The following TEKT3 variants were observed in gnomAD, a reference collection of about 807,000 sequenced individuals.
The protein encoded by TEKT3 is tektin-3.
Under a neutral mutation model 49.8 loss-of-function variants are expected in TEKT3, and 49 were observed. The ratio of observed to expected loss-of-function variants is 0.98; its 90% CI spans 0.78 to 1.25. The LOEUF (loss-of-function observed/expected upper bound fraction) is 1.25, where lower values mean the gene tolerates loss of function less well. Ranked by LOEUF, TEKT3 falls within the 50% of genes most tolerant of loss-of-function variation. The pLI is 0.00. For missense variants in TEKT3, 595 were observed against 629.5 expected (o/e 0.95, Z 0.59); for synonymous variants, 225 against 237.2 (o/e 0.95, Z 0.47).
chr17:15,308,531 C>T (rs1910632476), intron 8 of TEKT3, 133 bp downstream of exon 8: 2 of 1,211,646 alleles, frequency 1.7e-6, no homozygotes, highest in Admixed American at 2.2e-5. Context: ...TCAACATCTC[C>T]CCATTACTAC....
At chr17:15,334,054 C>G (rs532146181) in intron 2 of TEKT3, among the ~76,000 whole-genome samples, 2 of 151,506 alleles carry the variant, frequency 1.3e-5, no homozygotes, top group Non-Finnish European at 2.9e-5. Context: ...TGAGCCACCA[C>G]GCCCAGCTGG....
chr17:15,329,918 C>T (rs575748427), intron 3 of TEKT3, among the ~76,000 whole-genome samples: 1 of 152,296 alleles, frequency 6.6e-6, no homozygotes, highest in South Asian at 2.1e-4. Context: ...ATAATTTGCA[C>T]ATCTTCAAAC....
intron 2 of TEKT3, among the ~76,000 whole-genome samples, chr17:15,333,680 A>G (rs1411773215): frequency 6.6e-6 from 1 of 152,134 alleles, no homozygotes; most frequent in Non-Finnish European, 1.5e-5. Flanking sequence ...TATTTCTAGC[A>G]AGAAACTTCA....
At chr17:15,320,052 G>C (rs897827493) in intron 4 of TEKT3, among the ~76,000 whole-genome samples, 3 of 152,004 alleles carry the variant, frequency 2.0e-5, no homozygotes, top group Admixed American at 1.3e-4. Flanking sequence ...GTTTTGACAA[G>C]TACAGCCAAA....
chr17:15,307,540 C>G (rs962070095), intron 8 of TEKT3, among the ~76,000 whole-genome samples: 1 of 152,232 alleles, frequency 6.6e-6, no homozygotes, highest in African/African-American at 2.4e-5. Flanking sequence ...TGATTATCGC[C>G]ATCATTATCT....
chr17:15,318,474 G>A (rs774974885), intron 5 of TEKT3, among the ~76,000 whole-genome samples: 3 of 152,120 alleles, frequency 2.0e-5, no homozygotes, highest in Non-Finnish European at 4.4e-5. Flanking sequence ...CCTTCCCACA[G>A]CATCTCAGAA....
intron 5 of TEKT3, 86 bp from the exon 6 acceptor site, chr17:15,314,316 C>T: frequency 6.5e-7 from 1 of 1,546,944 alleles, no homozygotes; most frequent in Non-Finnish European, 8.8e-7. Flanking sequence ...ATATTGGGAC[C>T]TCTCTCACTG....
intron 2 of TEKT3, among the ~76,000 whole-genome samples, chr17:15,334,375 G>A (rs1911902361): frequency 6.6e-6 from 1 of 152,184 alleles, no homozygotes; most frequent in Non-Finnish European, 1.5e-5. Flanking sequence ...TTGACAATAA[G>A]AGATCCAGAA....
intron 3 of TEKT3, among the ~76,000 whole-genome samples, chr17:15,329,182 T>C (rs1911612255): frequency 6.6e-6 from 1 of 152,244 alleles, no homozygotes; most frequent in Non-Finnish European, 1.5e-5. Context: ...CAAAGGTAGT[T>C]ATTTCATTGA....
chr17:15,340,418 G>C (rs905012967), intron 1 of TEKT3: 2 of 151,634 alleles, frequency 1.3e-5, no homozygotes, highest in African/African-American at 4.8e-5. Context: ...GTGGTGGCAG[G>C]CACCTGTAAT....
rs760470635 is a variant in TEKT3 at position 15,319,075 on chromosome 17, AC to A, written c.734+1del. On this transcript the variant is annotated splice_donor_variant, in intron 5 of 8. Transcript: ENST00000395930. LOFTEE classifies it high-confidence loss of function. ...AATTGTATAGAGACATAAAGCTCTT[AC>A]GCAAGTTGGGCAATAGCCTTATCCA... The A allele has an allele frequency of 4.8e-5, 77 of 1,609,976 alleles. No homozygotes were observed. The East Asian group carries it at 1.7e-3, about 35-fold the overall frequency.
Position 15,327,975 on chromosome 17 carries a change from A to C in TEKT3, c.663+17T>G, listed in dbSNP as rs756129142. On this transcript the variant is annotated intron_variant, in intron 4 of 8. Transcript: ENST00000395930. ...CAACTAAGCTGCCTGTGACTGATGCATTTCCCCCACATTTACCGTCAGCAG... is the reference window on the plus strand; with the variant it reads ...CAACTAAGCTGCCTGTGACTGATGCCTTTCCCCCACATTTACCGTCAGCAG... 2.5e-6 allele frequency: 4 copies of C among 1,610,516 alleles called. No homozygotes were observed. The highest frequency in any genetic ancestry group is 2.7e-5 in the African/African-American group (2 of 74,836).
chr17:15,309,328 C>T (rs569193177), intron 7 of TEKT3, among the ~76,000 whole-genome samples: 40 of 152,286 alleles, frequency 2.6e-4, no homozygotes, highest in Middle Eastern at 3.4e-3. Flanking sequence ...ATTTCCCTTG[C>T]AGAGAATCAG....
At chr17:15,341,832 G>A (rs1040373906), upstream of TEKT3, among the ~76,000 whole-genome samples, 3 of 152,214 alleles carry the variant, frequency 2.0e-5, no homozygotes, top group African/African-American at 7.2e-5. Flanking sequence ...GGTTTGGGAG[G>A]TGAAAGGGGT....
At chr17:15,329,765 C>T (rs1911641540) in intron 3 of TEKT3, among the ~76,000 whole-genome samples, 2 of 152,156 alleles carry the variant, frequency 1.3e-5, no homozygotes, top group Non-Finnish European at 2.9e-5. Flanking sequence ...CTTTCAGCTC[C>T]TTGATTCTCT....
At chr17:15,322,380 G>C (rs777830375) in intron 4 of TEKT3, among the ~76,000 whole-genome samples, 1 of 152,138 alleles carries the variant, frequency 6.6e-6, no homozygotes, top group Non-Finnish European at 1.5e-5. Context: ...AGATAATTAT[G>C]TGCCTAGTAG....
In TEKT3 at chr17:15,319,090, T is replaced by C. The variant is rs750760890; in HGVS notation, c.721A>G (p.Ile241Val). The change falls in exon 5 of 9, where the codon ATT (isoleucine) becomes GTT (valine). Residue 241 changes from isoleucine (I) to valine (V), a missense_variant. Coordinates refer to ENST00000395930, the MANE Select transcript of TEKT3 (RefSeq NM_031898.3). Reference protein sequence around the residue: ...ERMKLHLDKAIAQLAANRASQ... With the variant: ...ERMKLHLDKAVAQLAANRASQ... ...TAAAGCTCTTACGCAAGTTGGGCAA[T>C]AGCCTTATCCAAATGTAGCTTCATT... The C allele has an allele frequency of 2.5e-6, 4 of 1,612,244 alleles. No homozygotes were observed. The highest frequency in any genetic ancestry group is 3.4e-6 in the Non-Finnish European group (4 of 1,179,308).
intron 3 of TEKT3, among the ~76,000 whole-genome samples, chr17:15,330,434 C>G (rs549024492): frequency 6.6e-5 from 10 of 152,142 alleles, no homozygotes; most frequent in African/African-American, 2.4e-4. Context: ...GTCCCTTCGG[C>G]GCTGTTCTCA....
At chr17:15,329,819 T>G (rs1941690184) in intron 3 of TEKT3, among the ~76,000 whole-genome samples, 1 of 152,208 alleles carries the variant, frequency 6.6e-6, no homozygotes, top group Non-Finnish European at 1.5e-5. Context: ...CTACAGCAAG[T>G]GCTCATCACA....
Sources: allele counts gnomAD v4.1 joint callset (sites outside exome capture counted in the v4.1 genomes callset), GRCh38; gene constraint gnomAD v4.1.1; transcripts MANE v1.5; gene names NCBI Gene and HGNC (gene_info 2026-07-23, HGNC 2026-07-21).